PDE4B: variants seen among roughly 807,000 people sequenced by gnomAD.
PDE4B encodes the protein phosphodiesterase 4B.
PDE4B carries 20 observed loss-of-function variants against 82.2 expected under a neutral mutation model. The ratio of observed to expected loss-of-function variants is 0.24; its 90% CI spans 0.17 to 0.35. PDE4B has a LOEUF of 0.35. PDE4B is among the 10% of genes least tolerant of loss of function. The probability of loss-of-function intolerance (pLI) is 1.00; values close to 1 mark genes in which losing one functional copy is unlikely to be tolerated. For synonymous variants in PDE4B, 320 were observed against 318.9 expected (o/e 1.00, Z -0.04); for missense variants, 655 against 907.2 (o/e 0.72, Z 3.57).
intron 1 of PDE4B, among the ~76,000 whole-genome samples, chr1:65,793,499 T>A (rs1645597318): frequency 6.6e-6 from 1 of 152,048 alleles, no homozygotes. Context: ...TCTTGACAAG[T>A]CACTGGGGAG....
intron 3 of PDE4B, among the ~76,000 whole-genome samples, chr1:66,056,492 CT>C (rs201439688): frequency 0.055 from 4,756 of 87,126 alleles, 98 homozygotes; most frequent in African/African-American, 0.09. Context: ...TATCATCTAT[CT>C]ATCTATCTAT....
At chr1:66,343,732 T>C (rs1441539000) in intron 8 of PDE4B, among the ~76,000 whole-genome samples, 1 of 152,250 alleles carries the variant, frequency 6.6e-6, no homozygotes, top group Non-Finnish European at 1.5e-5. Context: ...TAAAAAGCTG[T>C]CTGCAGTTTT....
At position 66,324,719 on chromosome 1, in the gene PDE4B, A is replaced by G. The variant is rs961581061; in HGVS notation, c.635-7789A>G. On this transcript the variant is annotated intron_variant, in intron 7 of 16. Transcript: ENST00000341517. ...CTGTCATATGCAATTGCAAAGTTCC[A>G]TATCTATAAAGACATGCTAACAAAG... Among the ~76,000 whole-genome samples the G allele has an allele frequency of 8.5e-5, 13 of 152,304 alleles. No individual in the cohort carries two copies. The East Asian group carries it at 1.2e-3, about 14-fold the overall frequency.
chr1:66,139,340 A>G (rs1646121609), intron 3 of PDE4B, among the ~76,000 whole-genome samples: 1 of 152,226 alleles, frequency 6.6e-6, no homozygotes, highest in African/African-American at 2.4e-5. Flanking sequence ...CCGAAAACCA[A>G]CCAGGAAACT....
At chr1:66,191,251 T>C (rs1008388199) in intron 3 of PDE4B, among the ~76,000 whole-genome samples, 66 of 152,124 alleles carry the variant, frequency 4.3e-4, no homozygotes, top group African/African-American at 1.5e-3. Context: ...AAGAGGTCAA[T>C]TCAGCAAAGA....
rs902084563 is a variant in PDE4B, at chr1:66,224,574, G to T, written c.282-22886G>T. ...TCTCTACTAAAACTAAAAAACTTAC[G>T]TGGGCACTGTGGCGTGTGCCTGTAA... On this transcript the variant is annotated intron_variant, in intron 3 of 16. Coordinates refer to ENST00000341517, the MANE Select transcript of PDE4B (RefSeq NM_002600.4). Among the ~76,000 whole-genome samples the T allele has an allele frequency of 2.6e-5, 4 of 152,226 alleles. No individual in the cohort carries two copies. The South Asian group carries it at 8.3e-4, about 32-fold the overall frequency.
At chr1:66,144,300 C>T (rs1646228251) in intron 3 of PDE4B, among the ~76,000 whole-genome samples, 1 of 152,130 alleles carries the variant, frequency 6.6e-6, no homozygotes, top group Admixed American at 6.5e-5. Flanking sequence ...AGACATTTTA[C>T]TGGATGCCAG....
intron 3 of PDE4B, among the ~76,000 whole-genome samples, chr1:66,202,806 G>T (rs1091583): frequency 0.46 from 70,044 of 151,430 alleles, 16,369 homozygotes; most frequent in African/African-American, 0.53. Flanking sequence ...TATCCAATTT[G>T]CCAGTCTGTG....
chr1:66,040,578 G>T (rs1425251375), intron 3 of PDE4B, among the ~76,000 whole-genome samples: 2 of 152,024 alleles, frequency 1.3e-5, no homozygotes, highest in Non-Finnish European at 2.9e-5. Flanking sequence ...CTGAAGCACA[G>T]GGTGCTAGAA....
At chr1:66,320,370 T>C (rs1428698218) in intron 7 of PDE4B, among the ~76,000 whole-genome samples, 1 of 152,154 alleles carries the variant, frequency 6.6e-6, no homozygotes, top group Non-Finnish European at 1.5e-5. Context: ...AGAAGTGCTA[T>C]TGAGAGGCAA....
At chr1:66,213,053 T>C (rs540050131) in intron 3 of PDE4B, among the ~76,000 whole-genome samples, 1 of 152,308 alleles carries the variant, frequency 6.6e-6, no homozygotes, top group African/African-American at 2.4e-5. Flanking sequence ...CTTTTTCTTT[T>C]TTTTCCCCAG....
At chr1:65,957,139 AG>A (rs1649302081) in intron 3 of PDE4B, among the ~76,000 whole-genome samples, 1 of 147,748 alleles carries the variant, frequency 6.8e-6, no homozygotes, top group African/African-American at 2.5e-5. Flanking sequence ...ATTTTGTCTC[AG>A]GCTGGCTTGT....
intron 3 of PDE4B, among the ~76,000 whole-genome samples, chr1:65,928,594 TAC>T (rs374652464): frequency 7.8e-4 from 119 of 152,268 alleles, no homozygotes; most frequent in African/African-American, 2.4e-3. Flanking sequence ...AGATCTGACA[TAC>T]AGAGAAGAGC....
At chr1:66,079,746 C>T (rs929954247) in intron 3 of PDE4B, among the ~76,000 whole-genome samples, 1 of 151,890 alleles carries the variant, frequency 6.6e-6, no homozygotes, top group African/African-American at 2.4e-5. Context: ...CAACAAAGTG[C>T]TATTAAGAGC....
At chr1:65,968,075 G>A (rs1649940764) in intron 3 of PDE4B, among the ~76,000 whole-genome samples, 1 of 151,896 alleles carries the variant, frequency 6.6e-6, no homozygotes, top group African/African-American at 2.4e-5. Context: ...TTGTCTGGAG[G>A]TCTCTAATCT....
chr1:66,251,689 G>A (rs569862303), intron 4 of PDE4B, among the ~76,000 whole-genome samples: 1 of 152,296 alleles, frequency 6.6e-6, no homozygotes, highest in Admixed American at 6.5e-5. Context: ...GAGGAGTCAG[G>A]CAGGCAGAGG....
At chr1:66,139,518 G>A (rs1460230031) in intron 3 of PDE4B, among the ~76,000 whole-genome samples, 1 of 152,080 alleles carries the variant, frequency 6.6e-6, no homozygotes, top group Non-Finnish European at 1.5e-5. Context: ...ATTAGATTGG[G>A]CCCATCAGGA....
At chr1:66,314,716 A>T (rs1226191544) in intron 7 of PDE4B, among the ~76,000 whole-genome samples, 1 of 152,116 alleles carries the variant, frequency 6.6e-6, no homozygotes, top group Admixed American at 6.5e-5. Context: ...CCCAACCTCC[A>T]CTGTGTTTTC....
intron 3 of PDE4B, among the ~76,000 whole-genome samples, chr1:66,105,382 C>A (rs1228455305): frequency 6.6e-6 from 1 of 151,866 alleles, no homozygotes; most frequent in Non-Finnish European, 1.5e-5. Context: ...GTGATGCCTC[C>A]AGCTTTGTTC....
Sources: allele counts gnomAD v4.1 joint callset (sites outside exome capture counted in the v4.1 genomes callset), GRCh38; gene constraint gnomAD v4.1.1; transcripts MANE v1.5; gene names NCBI Gene and HGNC (gene_info 2026-07-23, HGNC 2026-07-21).